Variants in KCNIP4 observed in about 807,000 individuals in gnomAD.
KCNIP4 encodes Kv channel-interacting protein 4.
Under a neutral mutation model 34.0 loss-of-function variants are expected in KCNIP4, and 12 were observed. The observed-to-expected ratio is 0.35, with a 90% CI of 0.23 to 0.57. KCNIP4 has a LOEUF of 0.57. Ranked by LOEUF, KCNIP4 falls within the 20% of genes least tolerant of loss-of-function variation. The pLI is 0.83. For missense variants in KCNIP4, 238 were observed against 311.7 expected, an observed-to-expected ratio of 0.76 and a Z score of 1.78; for synonymous variants, 124 against 102.2, an observed-to-expected ratio of 1.21 and a Z score of -1.29.
chr4:21,636,127 T>C (rs1316586094), intron 1 of KCNIP4, among the ~76,000 whole-genome samples: 1 of 90,768 alleles, frequency 1.1e-5, no homozygotes, highest in Non-Finnish European at 2.1e-5. Context: ...TATCACACTC[T>C]GGGGACTGTT....
intron 1 of KCNIP4, among the ~76,000 whole-genome samples, chr4:21,335,599 A>C (rs1215143191): frequency 6.6e-6 from 1 of 152,204 alleles, no homozygotes; most frequent in African/African-American, 2.4e-5. Context: ...AGTGGGCATA[A>C]AACAAACATT....
At chr4:20,996,459 C>T (rs561799689) in intron 1 of KCNIP4, among the ~76,000 whole-genome samples, 65 of 152,292 alleles carry the variant, frequency 4.3e-4, no homozygotes, top group African/African-American at 1.4e-3. Flanking sequence ...AGTTCTCTGC[C>T]CACATAGTCT....
chr4:21,228,881 G>A (rs1166207328), intron 1 of KCNIP4, among the ~76,000 whole-genome samples: 7 of 152,078 alleles, frequency 4.6e-5, no homozygotes, highest in East Asian at 1.9e-4. Flanking sequence ...TTCCAAGCCC[G>A]TTGTGATCAG....
chr4:21,264,089 T>G (rs944036512), intron 1 of KCNIP4, among the ~76,000 whole-genome samples: 44 of 152,164 alleles, frequency 2.9e-4, no homozygotes, highest in African/African-American at 1.0e-3. Flanking sequence ...CTCATGTTCT[T>G]AAACCTCATC....
At chr4:21,500,293 T>G (rs1733208645) in intron 1 of KCNIP4, among the ~76,000 whole-genome samples, 1 of 152,176 alleles carries the variant, frequency 6.6e-6, no homozygotes, top group African/African-American at 2.4e-5. Context: ...CTTTTAACGT[T>G]TATCACCTTA....
intron 1 of KCNIP4, among the ~76,000 whole-genome samples, chr4:21,637,783 CAAAA>C (rs3050028): frequency 0.36 from 38,866 of 109,410 alleles, 5,735 homozygotes; most frequent in South Asian, 0.39. Context: ...AAGTCCGTCT[CAAAA>C]AAAAAAAAAA....
At chr4:21,653,067 G>A (rs1405486679) in intron 1 of KCNIP4, among the ~76,000 whole-genome samples, 1 of 152,134 alleles carries the variant, frequency 6.6e-6, no homozygotes, top group African/African-American at 2.4e-5. Flanking sequence ...GACCTCTCTG[G>A]TGATATTCCA....
At chr4:21,697,683 C>A in intron 1 of KCNIP4, 1 of 1,257,604 alleles carries the variant, frequency 8.0e-7, no homozygotes, top group Non-Finnish European at 9.9e-7. Flanking sequence ...GTGTGGTGAC[C>A]AAGTTCTTCT....
chr4:21,822,735 T>TTTA (rs1722432187), intron 1 of KCNIP4, among the ~76,000 whole-genome samples: 1 of 150,952 alleles, frequency 6.6e-6, no homozygotes. Context: ...TTTTTTTTTT[T>TTTA]GAGATGGAGT....
At chr4:21,670,235 G>T (rs1301250688) in intron 1 of KCNIP4, among the ~76,000 whole-genome samples, 2 of 151,814 alleles carry the variant, frequency 1.3e-5, no homozygotes, top group African/African-American at 4.8e-5. Flanking sequence ...AAAAACAATC[G>T]CAGCCATAAA....
chr4:21,830,160 C>T (rs967904965), intron 1 of KCNIP4, among the ~76,000 whole-genome samples: 1 of 151,958 alleles, frequency 6.6e-6, no homozygotes, highest in African/African-American at 2.4e-5. Context: ...ATATTTTCCA[C>T]AAATATAAAT....
At chr4:21,389,549 G>A (rs984067564) in intron 1 of KCNIP4, among the ~76,000 whole-genome samples, 20 of 146,730 alleles carry the variant, frequency 1.4e-4, no homozygotes, top group East Asian at 1.2e-3. Context: ...GAGAACATGC[G>A]GTGTTTGGTT....
chr4:21,311,468 A>T (rs1041380775), intron 1 of KCNIP4, among the ~76,000 whole-genome samples: 1 of 152,188 alleles, frequency 6.6e-6, no homozygotes, highest in African/African-American at 2.4e-5. Context: ...AGGTGGGCGG[A>T]TCATGAGGTC....
At chr4:21,683,285 C>T (rs1186161633) in intron 1 of KCNIP4, among the ~76,000 whole-genome samples, 1 of 151,894 alleles carries the variant, frequency 6.6e-6, no homozygotes, top group Non-Finnish European at 1.5e-5. Context: ...AACAATTACA[C>T]ATTGTGTCAG....
At chr4:20,971,757 G>T (rs1734972805) in intron 1 of KCNIP4, among the ~76,000 whole-genome samples, 1 of 152,146 alleles carries the variant, frequency 6.6e-6, no homozygotes, top group Non-Finnish European at 1.5e-5. Context: ...CTTAAAATAA[G>T]ACAATGAAAT....
chr4:21,070,068 C>T (rs928254299), intron 1 of KCNIP4, among the ~76,000 whole-genome samples: 1 of 152,142 alleles, frequency 6.6e-6, no homozygotes, highest in Non-Finnish European at 1.5e-5. Context: ...TGAGAGACTA[C>T]TATATAAATG....
At chr4:20,974,356 A>T (rs80108647) in intron 1 of KCNIP4, among the ~76,000 whole-genome samples, 3,648 of 152,300 alleles carry the variant, frequency 0.024, 155 homozygotes, top group African/African-American at 0.084. Context: ...TTGCTGTACC[A>T]CGTACATCAG....
chr4:20,955,999 C>T (rs1231322744), intron 1 of KCNIP4, among the ~76,000 whole-genome samples: 1 of 152,172 alleles, frequency 6.6e-6, no homozygotes, highest in African/African-American at 2.4e-5. Flanking sequence ...TTGTGCCAAG[C>T]CTTCTTGTGT....
intron 1 of KCNIP4, among the ~76,000 whole-genome samples, chr4:21,150,592 A>G (rs543764771): frequency 1.3e-5 from 2 of 152,240 alleles, no homozygotes; most frequent in African/African-American, 4.8e-5. Flanking sequence ...GTTTATAAGC[A>G]TAAAGGGAGC....
Sources: allele counts gnomAD v4.1 joint callset (sites outside exome capture counted in the v4.1 genomes callset), GRCh38; gene constraint gnomAD v4.1.1; transcripts MANE v1.5; gene names NCBI Gene and HGNC (gene_info 2026-07-23, HGNC 2026-07-21).